CSMD1: variants seen among roughly 807,000 people sequenced by gnomAD.
CSMD1 encodes the protein CUB and Sushi multiple domains 1, also known as CUB and sushi domain-containing protein 1.
CSMD1 carries 213 observed loss-of-function variants against 417.5 expected under a neutral mutation model. The ratio of observed to expected loss-of-function variants is 0.51; its 90% CI spans 0.46 to 0.57. The LOEUF is 0.57. CSMD1 is among the 20% of genes least tolerant of loss of function. The pLI, the probability that CSMD1 is intolerant of heterozygous loss-of-function variation, is 0.00. For missense variants in CSMD1, 6,923 were observed against 4,529.7 expected (o/e 1.53, Z -15.17); for synonymous variants, 2,862 against 1,736.8 (o/e 1.65, Z -16.11).
chr8:3,091,438 C>G, intron 48 of CSMD1, 78 bp downstream of exon 48: 1 of 1,068,166 alleles, frequency 9.4e-7, no homozygotes, highest in East Asian at 2.8e-5. Flanking sequence ...CTATAAATTT[C>G]TATTTAAATT....
chr8:3,477,387 A>G (rs1378997372), intron 11 of CSMD1, among the ~76,000 whole-genome samples: 2 of 152,238 alleles, frequency 1.3e-5, no homozygotes, highest in African/African-American at 4.8e-5. Flanking sequence ...TTTAATGTCC[A>G]CGAATGGCAT....
At chr8:4,583,282 A>G (rs1183684706) in intron 2 of CSMD1, among the ~76,000 whole-genome samples, 3 of 152,224 alleles carry the variant, frequency 2.0e-5, no homozygotes, top group Admixed American at 1.3e-4. Context: ...GAGTGAAGCC[A>G]GCTGCGCTCC....
intron 5 of CSMD1, among the ~76,000 whole-genome samples, chr8:3,788,850 G>T (rs188354667): frequency 2.0e-5 from 3 of 152,296 alleles, no homozygotes; most frequent in African/African-American, 7.2e-5. Context: ...ACATTCTGGG[G>T]TAGAAATTAT....
intron 3 of CSMD1, among the ~76,000 whole-genome samples, chr8:4,342,642 T>C (rs768808861): frequency 3.3e-5 from 5 of 151,944 alleles, no homozygotes; most frequent in Admixed American, 6.6e-5. Flanking sequence ...TCTTTATTTA[T>C]TTTCATCACA....
intron 1 of CSMD1, among the ~76,000 whole-genome samples, chr8:4,927,785 G>A (rs192241363): frequency 2.0e-5 from 3 of 152,084 alleles, no homozygotes; most frequent in Non-Finnish European, 4.4e-5. Context: ...CTGAAACCTT[G>A]GATTCCAACT....
At chr8:4,539,869 C>A (rs1797292852) in intron 2 of CSMD1, among the ~76,000 whole-genome samples, 1 of 152,138 alleles carries the variant, frequency 6.6e-6, no homozygotes, top group Admixed American at 6.5e-5. Flanking sequence ...CACCTTCTGC[C>A]TCAAGACAGG....
chr8:4,301,273 G>C (rs947737972), intron 3 of CSMD1, among the ~76,000 whole-genome samples: 2 of 152,180 alleles, frequency 1.3e-5, no homozygotes, highest in Non-Finnish European at 1.5e-5. Flanking sequence ...CCTCCACAAA[G>C]TCAACAAGCA....
intron 5 of CSMD1, among the ~76,000 whole-genome samples, chr8:3,898,453 G>T (rs1309955891): frequency 6.6e-6 from 1 of 152,190 alleles, no homozygotes; most frequent in Non-Finnish European, 1.5e-5. Flanking sequence ...CAAGTAAGTT[G>T]AATAATATTA....
chr8:4,583,768 G>C (rs1799565042), intron 2 of CSMD1, among the ~76,000 whole-genome samples: 1 of 149,636 alleles, frequency 6.7e-6, no homozygotes, highest in East Asian at 1.9e-4. Context: ...CAATCAGCAG[G>C]ATGTGGGTGG....
chr8:3,686,488 C>T (rs1041458356), intron 7 of CSMD1, among the ~76,000 whole-genome samples: 10 of 151,966 alleles, frequency 6.6e-5, no homozygotes, highest in African/African-American at 1.7e-4. Flanking sequence ...AAATTAAAGA[C>T]GCTTAAAAAA....
At chr8:3,893,035 T>C (rs987658735) in intron 5 of CSMD1, among the ~76,000 whole-genome samples, 2 of 151,790 alleles carry the variant, frequency 1.3e-5, no homozygotes, top group African/African-American at 4.8e-5. Flanking sequence ...TCAATAATAG[T>C]GATATGGATT....
chr8:4,132,910 T>C lies in CSMD1; in HGVS notation c.416-100811A>G, dbSNP rs531652889. ...AAGATTATCTTTTATTAACAAATCCTGAAGACTATGGTAAAAGTCATTTAT... is the reference window on the plus strand; with the variant it reads ...AAGATTATCTTTTATTAACAAATCCCGAAGACTATGGTAAAAGTCATTTAT... On this transcript the variant is annotated intron_variant, in intron 3 of 69. Transcript: ENST00000635120. Among the ~76,000 whole-genome samples the C allele has an allele frequency of 9.2e-5, 14 of 152,280 alleles. No individual in the cohort carries two copies. The East Asian group carries it at 2.5e-3, about 27-fold the overall frequency.
At chr8:4,130,069 C>T (rs1803003627) in intron 3 of CSMD1, among the ~76,000 whole-genome samples, 1 of 152,072 alleles carries the variant, frequency 6.6e-6, no homozygotes, top group Non-Finnish European at 1.5e-5. Flanking sequence ...ATCGAACCTC[C>T]TGAGTGTGTG....
At chr8:3,601,074 T>A (rs1222426159) in intron 8 of CSMD1, among the ~76,000 whole-genome samples, 1 of 152,164 alleles carries the variant, frequency 6.6e-6, no homozygotes, top group Non-Finnish European at 1.5e-5. Context: ...GCAAGCTTGA[T>A]ACCAGGTCAT....
intron 26 of CSMD1, among the ~76,000 whole-genome samples, chr8:3,259,195 T>C (rs1800875330): frequency 6.6e-6 from 1 of 152,242 alleles, no homozygotes; most frequent in Non-Finnish European, 1.5e-5. Flanking sequence ...TTCCAGGTAT[T>C]AACAAAGACA....
chr8:3,392,736 T>C (rs1309778041), intron 17 of CSMD1, among the ~76,000 whole-genome samples: 2 of 152,214 alleles, frequency 1.3e-5, no homozygotes, highest in African/African-American at 2.4e-5. Flanking sequence ...TTTACTAAGC[T>C]CCCAGGGATG....
At chr8:4,825,355 C>A (rs1047051359) in intron 1 of CSMD1, among the ~76,000 whole-genome samples, 1 of 152,112 alleles carries the variant, frequency 6.6e-6, no homozygotes, top group Non-Finnish European at 1.5e-5. Context: ...GGTAAGAACA[C>A]TGACCTTGAG....
intron 1 of CSMD1, among the ~76,000 whole-genome samples, chr8:4,813,781 G>C (rs1033922107): frequency 2.6e-5 from 4 of 152,144 alleles, no homozygotes; most frequent in African/African-American, 9.7e-5. Flanking sequence ...TTTTACTGTT[G>C]CTTGAGAATG....
chr8:3,238,912 T>A (rs1799320009), intron 26 of CSMD1, among the ~76,000 whole-genome samples: 1 of 152,050 alleles, frequency 6.6e-6, no homozygotes, highest in African/African-American at 2.4e-5. Context: ...GCAGGGCATG[T>A]ATAAGTAGTT....
Sources: gnomAD v4.1 joint callset for allele counts (sites outside exome capture counted in the v4.1 genomes callset) on GRCh38, gnomAD v4.1.1 for gene constraint, MANE v1.5 for transcripts, NCBI Gene and HGNC (gene_info 2026-07-23, HGNC 2026-07-21) for gene names.